The following ARL15 variants were observed in gnomAD, a reference collection of about 807,000 sequenced individuals.
The protein encoded by ARL15 is ADP-ribosylation factor-like protein 15.
In ARL15, 19 loss-of-function variants were observed where a neutral mutation model predicts 25.2. That is an observed-to-expected ratio of 0.75 (90% CI 0.53 to 1.10). The LOEUF is 1.10. ARL15 is among the 50% of genes least tolerant of loss of function. The pLI, the probability that ARL15 is intolerant of heterozygous loss-of-function variation, is 0.00. For synonymous variants in ARL15, 94 were observed against 86.8 expected (o/e 1.08, Z -0.46); for missense variants, 220 against 246.0 (o/e 0.89, Z 0.71).
chr5:54,270,756 G>GTAATAA (rs1196849071), intron 1 of ARL15, among the ~76,000 whole-genome samples: 2 of 152,172 alleles, frequency 1.3e-5, no homozygotes, highest in East Asian at 1.9e-4. Context: ...TATTCCCACT[G>GTAATAA]TAATAATTTG....
chr5:53,963,805 T>TCTCACA (rs1407291151), intron 4 of ARL15, among the ~76,000 whole-genome samples: 4 of 143,138 alleles, frequency 2.8e-5, no homozygotes, highest in African/African-American at 1.1e-4. Flanking sequence ...TGAAACTCCA[T>TCTCACA]CACACACACA....
At chr5:54,103,856 C>T (rs768578211) in intron 4 of ARL15, among the ~76,000 whole-genome samples, 1 of 152,114 alleles carries the variant, frequency 6.6e-6, no homozygotes, top group Non-Finnish European at 1.5e-5. Flanking sequence ...ATGTGATTTT[C>T]GTATTTGTGC....
intron 4 of ARL15, among the ~76,000 whole-genome samples, chr5:54,093,380 A>G (rs899051719): frequency 6.6e-6 from 1 of 152,186 alleles, no homozygotes. Flanking sequence ...CCTGACATGA[A>G]CCGAGAAAAC....
chr5:53,995,400 GT>G (rs1173634305), intron 4 of ARL15, among the ~76,000 whole-genome samples: 1 of 140,092 alleles, frequency 7.1e-6, no homozygotes, highest in Non-Finnish European at 1.5e-5. Flanking sequence ...ATAAACATTT[GT>G]CTACATTAGG....
intron 1 of ARL15, among the ~76,000 whole-genome samples, chr5:54,223,946 T>C (rs1052457871): frequency 6.6e-6 from 1 of 152,044 alleles, no homozygotes; most frequent in Non-Finnish European, 1.5e-5. Context: ...ACCTTGAATG[T>C]TGGCTGCATT....
intron 3 of ARL15, among the ~76,000 whole-genome samples, chr5:54,137,395 C>T (rs1192281205): frequency 6.6e-6 from 1 of 152,146 alleles, no homozygotes; most frequent in African/African-American, 2.4e-5. Context: ...CATTGTATTG[C>T]CATGGGACTT....
At chr5:54,205,352 A>C (rs34060066) in intron 1 of ARL15, among the ~76,000 whole-genome samples, 1 of 152,074 alleles carries the variant, frequency 6.6e-6, no homozygotes, top group African/African-American at 2.4e-5. Context: ...ACACGAGTCT[A>C]ATCTGCTTTC....
chr5:54,192,387 T>C (rs1404025948), intron 1 of ARL15, among the ~76,000 whole-genome samples: 2 of 152,148 alleles, frequency 1.3e-5, no homozygotes, highest in East Asian at 3.9e-4. Flanking sequence ...TTTATTTGTT[T>C]ATTGCCAGTC....
Position 54,072,152 on chromosome 5 carries a change from G to C in ARL15, c.462+41050C>G, listed in dbSNP as rs545789339. ...TTTGTTTTACTATAAGAGGTTTTAG[G>C]ATATGTCTTTAAAAATCATACTGTG... On this transcript the variant is annotated intron_variant, in intron 4 of 4. Transcript: ENST00000504924. Among the ~76,000 whole-genome samples, 124 of 152,198 alleles carry C rather than the reference G, an allele frequency of 8.1e-4. 1 individual carries two copies. The highest frequency in any genetic ancestry group is 7.3e-3 in the South Asian group (35 of 4,824).
chr5:54,256,877 A>T (rs1757384939), intron 1 of ARL15, among the ~76,000 whole-genome samples: 1 of 152,216 alleles, frequency 6.6e-6, no homozygotes, highest in African/African-American at 2.4e-5. Context: ...CATTCACTAA[A>T]ATCCAGCATT....
At chr5:54,060,571 C>T (rs1008671622) in intron 4 of ARL15, among the ~76,000 whole-genome samples, 3 of 152,222 alleles carry the variant, frequency 2.0e-5, no homozygotes, top group African/African-American at 7.2e-5. Context: ...GATTGTGAGG[C>T]CTCCCCAGCC....
chr5:54,293,286 C>T (rs1758378826), intron 1 of ARL15, among the ~76,000 whole-genome samples: 1 of 152,170 alleles, frequency 6.6e-6, no homozygotes, highest in Admixed American at 6.5e-5. Flanking sequence ...AGTTCTCAAC[C>T]ATGTCTAAAG....
At chr5:54,080,269 G>A (rs1179237449) in intron 4 of ARL15, among the ~76,000 whole-genome samples, 1 of 152,162 alleles carries the variant, frequency 6.6e-6, no homozygotes, top group East Asian at 1.9e-4. Flanking sequence ...AGAGAGAGGT[G>A]AAGAGTTGAA....
chr5:53,947,881 G>A (rs1000335828), intron 4 of ARL15, among the ~76,000 whole-genome samples: 2 of 152,048 alleles, frequency 1.3e-5, no homozygotes, highest in African/African-American at 4.8e-5. Context: ...GGGAGGGCTG[G>A]GAAGGAAGCA....
chr5:54,299,584 C>CTTTTTTTTT (rs752417066), intron 1 of ARL15, among the ~76,000 whole-genome samples: 23 of 79,556 alleles, frequency 2.9e-4, no homozygotes, highest in Non-Finnish European at 3.1e-4. Context: ...TAGCTATTAG[C>CTTTTTTTTT]TTTTTTTTTT....
Position 54,127,096 on chromosome 5 carries a change from C to T in ARL15, c.254-13686G>A, listed in dbSNP as rs192119398. Among the ~76,000 whole-genome samples, 248 of 152,052 alleles carry T rather than the reference C, an allele frequency of 1.6e-3. 2 individuals are homozygous for T. Among genetic ancestry groups the T allele is most frequent in the Admixed American group, 8.1e-3 (123 of 15,252 alleles). ...ATTCCCACCTATGAGTGAGAATATG[C>T]GGGTTTTTGTTCTTGCGATAGTTTA... On this transcript the variant is annotated intron_variant, in intron 3 of 4. Coordinates refer to ENST00000504924, the MANE Select transcript of ARL15 (RefSeq NM_019087.3).
At chr5:53,919,709 A>G (rs1745783368) in intron 4 of ARL15, among the ~76,000 whole-genome samples, 1 of 152,096 alleles carries the variant, frequency 6.6e-6, no homozygotes, top group South Asian at 2.1e-4. Flanking sequence ...AGGCAGATAG[A>G]GCTAACCTTT....
chr5:53,990,239 A>AG (rs1748439163), intron 4 of ARL15, among the ~76,000 whole-genome samples: 1 of 89,050 alleles, frequency 1.1e-5, no homozygotes, highest in African/African-American at 3.6e-5. Flanking sequence ...TCTCTAAAAA[A>AG]AAAATAGTTA....
intron 2 of ARL15, among the ~76,000 whole-genome samples, chr5:54,157,173 C>A (rs1269819026): frequency 6.6e-6 from 1 of 152,208 alleles, no homozygotes; most frequent in Non-Finnish European, 1.5e-5. Flanking sequence ...GAGCACATCA[C>A]CAATGTTTAA....
Sources: gnomAD v4.1 joint callset for allele counts (sites outside exome capture counted in the v4.1 genomes callset) on GRCh38, gnomAD v4.1.1 for gene constraint, MANE v1.5 for transcripts, NCBI Gene and HGNC (gene_info 2026-07-23, HGNC 2026-07-21) for gene names.